DCDC2: variants seen among roughly 807,000 people sequenced by gnomAD.
DCDC2 encodes the protein doublecortin domain containing 2.
A neutral mutation model predicts 50.2 loss-of-function variants in DCDC2; 40 were observed. That is an observed-to-expected ratio of 0.80 (90% CI 0.62 to 1.04). DCDC2 has a LOEUF of 1.04. Ranked by LOEUF, DCDC2 falls within the 50% of genes least tolerant of loss-of-function variation. The pLI is 0.00. For missense variants in DCDC2, 570 were observed against 581.9 expected (o/e 0.98, Z 0.21); for synonymous variants, 234 against 210.6 (o/e 1.11, Z -0.96).
At chr6:24,212,614 A>G (rs928313286) in intron 7 of DCDC2, among the ~76,000 whole-genome samples, 1 of 152,202 alleles carries the variant, frequency 6.6e-6, no homozygotes, top group Non-Finnish European at 1.5e-5. Flanking sequence ...TAAATTTGAT[A>G]CACAATACTG....
At chr6:24,359,461 ATAC>A (rs1760614639), upstream of DCDC2, among the ~76,000 whole-genome samples, 1 of 40,120 alleles carries the variant, frequency 2.5e-5, no homozygotes, top group South Asian at 1.2e-3. Flanking sequence ...ATATTTATAT[ATAC>A]TATATAATAT....
At chr6:24,213,794 G>T (rs1761925080) in intron 7 of DCDC2, among the ~76,000 whole-genome samples, 1 of 152,046 alleles carries the variant, frequency 6.6e-6, no homozygotes, top group Admixed American at 6.6e-5. Flanking sequence ...TTATGAAAGG[G>T]TATTAGCCAA....
chr6:24,210,655 T>C (rs1761847483), intron 7 of DCDC2, among the ~76,000 whole-genome samples: 1 of 152,164 alleles, frequency 6.6e-6, no homozygotes, highest in Non-Finnish European at 1.5e-5. Flanking sequence ...TACAAACTAG[T>C]GTCCCTCTTC....
intron 8 of DCDC2, among the ~76,000 whole-genome samples, chr6:24,184,390 A>G (rs972456664): frequency 6.6e-6 from 1 of 151,980 alleles, no homozygotes; most frequent in Admixed American, 6.6e-5. Flanking sequence ...TGGGGACAAC[A>G]TGATGAAACC....
rs1211478955 is a variant in DCDC2, at chr6:24,291,032, C to G, written c.604G>C (p.Glu202Gln). 1.9e-6 allele frequency: 3 copies of G among 1,614,042 alleles called. No individual in the cohort carries two copies. The highest frequency in any genetic ancestry group is 2.5e-6 in the Non-Finnish European group (3 of 1,179,958). Residue 202 changes from glutamate (E) to glutamine (Q), a missense_variant, in exon 5 of 10, where the codon GAG becomes CAG. Physicochemically the swap from Glu to Gln is conservative, Grantham distance 29. Coordinates refer to ENST00000378454, the MANE Select transcript of DCDC2 (RefSeq NM_016356.5). Reference sequence around the variant, plus strand: ...ACAGCCACATAAAACTGCCCATTCTCCAACTCTGCTCCACTCTCAACAAGT... The same window carrying G: ...ACAGCCACATAAAACTGCCCATTCTGCAACTCTGCTCCACTCTCAACAAGT... Reference protein sequence around the residue: ...GKLVESGAELENGQFYVAVGR... With the variant: ...GKLVESGAELQNGQFYVAVGR...
At chr6:24,336,727 T>A (rs192938180) in intron 2 of DCDC2, among the ~76,000 whole-genome samples, 249 of 152,160 alleles carry the variant, frequency 1.6e-3, no homozygotes, top group Admixed American at 3.4e-3. Flanking sequence ...CTTTTTTTTT[T>A]ATTTTTTTTT....
intron 7 of DCDC2, among the ~76,000 whole-genome samples, chr6:24,224,103 C>T (rs140091527): frequency 1.2e-4 from 18 of 152,314 alleles, no homozygotes; most frequent in Middle Eastern, 3.4e-3. Context: ...AAAGTTTTCT[C>T]CCTGACAGTC....
At chr6:24,267,777 A>C (rs1167801508) in intron 7 of DCDC2, among the ~76,000 whole-genome samples, 4 of 152,202 alleles carry the variant, frequency 2.6e-5, no homozygotes, top group Non-Finnish European at 4.4e-5. Context: ...AGGACTCCAC[A>C]AGGGAACCCT....
In DCDC2 at chr6:24,174,836, T is replaced by C. The variant is rs1760867998; in HGVS notation, c.1327-2A>G. On this transcript the variant is annotated splice_acceptor_variant, in intron 9 of 9. Transcript: ENST00000378454. LOFTEE classifies it high-confidence loss of function. ...TGGTCTTTGAGGGTCTACATCAGCCTAGAAGAAAATAGATCAAAACAAAGG... is the reference window on the plus strand; with the variant it reads ...TGGTCTTTGAGGGTCTACATCAGCCCAGAAGAAAATAGATCAAAACAAAGG... 1.3e-6 allele frequency: 2 copies of C among 1,595,994 alleles called. No individual in the cohort carries two copies. Among genetic ancestry groups the C allele is most frequent in the Admixed American group, 3.3e-5 (2 of 59,834 alleles).
At chr6:24,220,908 G>GAGAC (rs1459132881) in intron 7 of DCDC2, among the ~76,000 whole-genome samples, 5 of 150,876 alleles carry the variant, frequency 3.3e-5, no homozygotes, top group Admixed American at 6.6e-5. Context: ...GCGAGCGAGA[G>GAGAC]AGTGAGCGAG....
In DCDC2 at chr6:24,173,222, A is replaced by ATCTC. The variant is rs1300103283; in HGVS notation, c.*1504_*1507dup. The ATCTC allele has an allele frequency of 6.6e-6, 1 of 151,980 alleles. No individual in the cohort carries two copies. Among genetic ancestry groups the ATCTC allele is most frequent in the Non-Finnish European group, 1.5e-5 (1 of 67,974 alleles). 9.4% of individuals were successfully genotyped at this position (151,980 alleles called of 1,614,324 possible). On this transcript the variant is annotated 3_prime_UTR_variant, in exon 10 of 10. Transcript: ENST00000378454. ...TATCTCTTCCAAATACTGTTACATT[A>ATCTC]TCTCTCTGTTTACACTTCTGATCTG...
At chr6:24,271,015 A>G (rs1763224513) in intron 7 of DCDC2, among the ~76,000 whole-genome samples, 1 of 151,914 alleles carries the variant, frequency 6.6e-6, no homozygotes, top group Admixed American at 6.6e-5. Flanking sequence ...TGAGCTTAGG[A>G]GTTTGAGACC....
At chr6:24,263,024 GGA>G (rs966175844) in intron 7 of DCDC2, among the ~76,000 whole-genome samples, 3 of 152,220 alleles carry the variant, frequency 2.0e-5, no homozygotes, top group Non-Finnish European at 4.4e-5. Context: ...AGCTCAGTAT[GGA>G]GAGAGACTCC....
intron 2 of DCDC2, among the ~76,000 whole-genome samples, chr6:24,342,324 A>G (rs1383255658): frequency 1.3e-5 from 2 of 152,210 alleles, no homozygotes; most frequent in Non-Finnish European, 2.9e-5. Flanking sequence ...CTTAAACAAT[A>G]TTGACTGTAA....
At chr6:24,322,595 T>C (rs1296498151) in intron 2 of DCDC2, among the ~76,000 whole-genome samples, 1 of 151,974 alleles carries the variant, frequency 6.6e-6, no homozygotes, top group East Asian at 1.9e-4. Context: ...TGAAGTCTGC[T>C]ATCTGAGAGC....
chr6:24,337,076 T>C (rs1169541942), intron 2 of DCDC2, among the ~76,000 whole-genome samples: 1 of 152,230 alleles, frequency 6.6e-6, no homozygotes, highest in African/African-American at 2.4e-5. Flanking sequence ...ATCCTTCAAG[T>C]TGCGTTTTTT....
intron 2 of DCDC2, among the ~76,000 whole-genome samples, chr6:24,329,813 T>C (rs1051121454): frequency 1.4e-4 from 22 of 152,136 alleles, no homozygotes; most frequent in Non-Finnish European, 2.6e-4. Context: ...AAGACATGAA[T>C]GAATAAAAAA....
the DCDC2 span, among the ~76,000 whole-genome samples, chr6:24,368,570 T>G: frequency 6.6e-6 from 1 of 152,134 alleles, no homozygotes; most frequent in Non-Finnish European, 1.5e-5. Context: ...TGAAAATAGT[T>G]GTCAATATGG....
intron 1 of DCDC2, among the ~76,000 whole-genome samples, chr6:24,355,411 T>C (rs1361281561): frequency 3.9e-5 from 6 of 152,142 alleles, no homozygotes; most frequent in Non-Finnish European, 7.4e-5. Flanking sequence ...TAGACGGAAA[T>C]ATTTAATAAA....
Sources: gnomAD v4.1 joint callset for allele counts (sites outside exome capture counted in the v4.1 genomes callset) on GRCh38, gnomAD v4.1.1 for gene constraint, MANE v1.5 for transcripts, NCBI Gene and HGNC (gene_info 2026-07-23, HGNC 2026-07-21) for gene names.